Variants in CSMD3 observed in about 807,000 individuals in gnomAD.
CSMD3 encodes the protein CUB and sushi domain-containing protein 3.
CSMD3 carries 177 observed loss-of-function variants against 435.2 expected under a neutral mutation model. The ratio of observed to expected loss-of-function variants is 0.41; its 90% CI spans 0.36 to 0.46. CSMD3 has a LOEUF of 0.46. Among genes scored for constraint, CSMD3 ranks in the 20% least tolerant of loss-of-function variants. The probability of loss-of-function intolerance (pLI) is 0.34; values close to 1 mark genes in which losing one functional copy is unlikely to be tolerated. For synonymous variants in CSMD3, 1,656 were observed against 1,520.5 expected, an observed-to-expected ratio of 1.09 and a Z score of -2.07; for missense variants, 4,265 against 4,504.6, an observed-to-expected ratio of 0.95 and a Z score of 1.52.
intron 5 of CSMD3, among the ~76,000 whole-genome samples, chr8:113,079,403 A>T (rs1271376664): frequency 1.3e-5 from 2 of 152,170 alleles, no homozygotes; most frequent in African/African-American, 4.8e-5. Context: ...CAATGACTGG[A>T]ACAATTTTCC....
At chr8:113,057,172 A>T (rs1564262950) in intron 5 of CSMD3, among the ~76,000 whole-genome samples, 1 of 152,146 alleles carries the variant, frequency 6.6e-6, no homozygotes, top group Non-Finnish European at 1.5e-5. Flanking sequence ...TCCCTACTGC[A>T]GTTCACTATG....
intron 45 of CSMD3, among the ~76,000 whole-genome samples, chr8:112,327,370 C>A (rs1000545646): frequency 1.3e-5 from 2 of 152,114 alleles, no homozygotes; most frequent in Non-Finnish European, 2.9e-5. Context: ...CTCCTAGACT[C>A]TTTAAGGGGT....
In CSMD3 at chr8:112,403,765, G is replaced by C. The variant is rs144746653; in HGVS notation, c.5809+2759C>G. On this transcript the variant is annotated intron_variant, in intron 35 of 70. Coordinates refer to ENST00000297405, the MANE Select transcript of CSMD3 (RefSeq NM_198123.2). Reference sequence around the variant, plus strand: ...ACATAAGAATCTGTGTGTGTTGTTGGGGGGCGGTGGGGTGAGGGAGAGAAT... The same window carrying C: ...ACATAAGAATCTGTGTGTGTTGTTGCGGGGCGGTGGGGTGAGGGAGAGAAT... Among the ~76,000 whole-genome samples the C allele has an allele frequency of 6.2e-4, 94 of 152,138 alleles. 1 individual carries two copies. The East Asian group carries it at 0.017, about 28-fold the overall frequency.
intron 5 of CSMD3, among the ~76,000 whole-genome samples, chr8:113,023,809 G>A (rs1440851928): frequency 6.6e-6 from 1 of 151,992 alleles, no homozygotes; most frequent in African/African-American, 2.4e-5. Flanking sequence ...CATAACAATT[G>A]CACATACTTA....
chr8:113,031,514 G>A (rs1398062008), intron 5 of CSMD3, among the ~76,000 whole-genome samples: 4 of 151,540 alleles, frequency 2.6e-5, no homozygotes, highest in African/African-American at 4.8e-5. Flanking sequence ...TTATGGTGGG[G>A]CAGGTTAGGT....
intron 1 of CSMD3, among the ~76,000 whole-genome samples, chr8:113,349,346 A>T (rs2094174215): frequency 6.6e-6 from 1 of 152,196 alleles, no homozygotes; most frequent in African/African-American, 2.4e-5. Flanking sequence ...GTCTTACAGC[A>T]AAAGAATTGC....
intron 31 of CSMD3, among the ~76,000 whole-genome samples, chr8:112,489,235 T>C (rs1820442387): frequency 1.3e-5 from 2 of 151,906 alleles, no homozygotes; most frequent in South Asian, 4.2e-4. Context: ...CTGGGTAACA[T>C]AGTGAGACAC....
chr8:112,637,064 T>C (rs2131582789), intron 21 of CSMD3, 59 bp from the exon 22 acceptor site: 1 of 1,329,296 alleles, frequency 7.5e-7, no homozygotes, highest in South Asian at 1.2e-5. Flanking sequence ...AAAATGATAG[T>C]GGTTACTTTT....
At chr8:112,526,698 A>G (rs972075893) in intron 27 of CSMD3, among the ~76,000 whole-genome samples, 13 of 151,968 alleles carry the variant, frequency 8.6e-5, no homozygotes, top group Admixed American at 5.2e-4. Context: ...TTAAATTTTA[A>G]TTTGTGGCCT....
chr8:112,993,512 C>T (rs1049145943), intron 6 of CSMD3, among the ~76,000 whole-genome samples: 12 of 151,728 alleles, frequency 7.9e-5, no homozygotes, highest in African/African-American at 1.7e-4. Flanking sequence ...CTTGACAATT[C>T]CTTTAATAAA....
intron 13 of CSMD3, among the ~76,000 whole-genome samples, chr8:112,754,955 A>G (rs560556622): frequency 6.6e-6 from 1 of 152,302 alleles, no homozygotes; most frequent in South Asian, 2.1e-4. Context: ...TGATTTGGCT[A>G]TGTCCTCACT....
At chr8:113,154,954 A>G (rs2091903331) in intron 4 of CSMD3, among the ~76,000 whole-genome samples, 1 of 152,020 alleles carries the variant, frequency 6.6e-6, no homozygotes, top group Non-Finnish European at 1.5e-5. Context: ...TTTCCTCAGA[A>G]AGTTAAAATA....
intron 13 of CSMD3, among the ~76,000 whole-genome samples, chr8:112,708,077 A>G (rs972142030): frequency 2.6e-5 from 4 of 152,126 alleles, no homozygotes; most frequent in African/African-American, 9.6e-5. Context: ...TATTTATTCA[A>G]GGTGTTTTAG....
intron 16 of CSMD3, among the ~76,000 whole-genome samples, chr8:112,672,785 G>A (rs1008964582): frequency 6.6e-6 from 1 of 152,086 alleles, no homozygotes; most frequent in Non-Finnish European, 1.5e-5. Flanking sequence ...AATAATGTGA[G>A]TTTGAGTGCT....
At chr8:113,254,467 C>T (rs1392927359) in intron 3 of CSMD3, among the ~76,000 whole-genome samples, 1 of 152,132 alleles carries the variant, frequency 6.6e-6, no homozygotes. Flanking sequence ...AGGTATAGAA[C>T]CCATCTGCAT....
At chr8:112,806,806 T>C (rs1307442808) in intron 12 of CSMD3, among the ~76,000 whole-genome samples, 1 of 152,186 alleles carries the variant, frequency 6.6e-6, no homozygotes, top group Non-Finnish European at 1.5e-5. Flanking sequence ...ACTGATAACA[T>C]ACCTGTTAGT....
intron 1 of CSMD3, among the ~76,000 whole-genome samples, chr8:113,333,479 AT>A (rs1390554176): frequency 6.6e-6 from 1 of 151,818 alleles, no homozygotes; most frequent in Non-Finnish European, 1.5e-5. Context: ...GTCAACATTA[AT>A]TTTGCTTTCC....
chr8:113,282,874 C>G (rs904770196), intron 2 of CSMD3, among the ~76,000 whole-genome samples: 2 of 151,858 alleles, frequency 1.3e-5, no homozygotes, highest in African/African-American at 2.4e-5. Flanking sequence ...GTGGTGCTAA[C>G]ATAAAAATGG....
At chr8:112,523,144 G>T (rs192901561) in intron 27 of CSMD3, among the ~76,000 whole-genome samples, 1 of 151,942 alleles carries the variant, frequency 6.6e-6, no homozygotes, top group Non-Finnish European at 1.5e-5. Context: ...TTTCAAAGAA[G>T]AAAAATCTTG....
Sources: allele counts gnomAD v4.1 joint callset (sites outside exome capture counted in the v4.1 genomes callset), GRCh38; gene constraint gnomAD v4.1.1; transcripts MANE v1.5; gene names NCBI Gene and HGNC (gene_info 2026-07-23, HGNC 2026-07-21).